Variants in NRF1 observed in about 807,000 individuals in gnomAD.
NRF1 encodes alpha palindromic-binding protein.
NRF1 carries 5 observed loss-of-function variants against 58.5 expected under a neutral mutation model. The ratio of observed to expected loss-of-function variants is 0.09; its 90% confidence interval spans 0.04 to 0.18. The LOEUF (loss-of-function observed/expected upper bound fraction) is 0.18, where lower values mean the gene tolerates loss of function less well. NRF1 is among the 10% of genes least tolerant of loss of function. The pLI is 1.00. For missense variants in NRF1, 288 were observed against 657.7 expected, an observed-to-expected ratio of 0.44 and a Z score of 6.15; for synonymous variants, 224 against 246.7, an observed-to-expected ratio of 0.91 and a Z score of 0.86.
chr7:129,748,385 A>G lies in NRF1; in HGVS notation c.1349-6633A>G, dbSNP rs546887491. ...ACAGGTCAGCACATACCTGGGGCCA[A>G]ATGAATGGTGGCGGCAATAAAGTCA... On this transcript the variant is annotated intron_variant, in intron 10 of 10. Transcript: ENST00000393232. Among the ~76,000 whole-genome samples the G allele has an allele frequency of 5.3e-5, 8 of 152,180 alleles. No individual in the cohort carries two copies. In the South Asian group the frequency reaches 1.7e-3, roughly 32 times the overall value.
chr7:129,710,998 G>A (rs1393410561), intron 7 of NRF1, among the ~76,000 whole-genome samples: 1 of 151,324 alleles, frequency 6.6e-6, no homozygotes, highest in Non-Finnish European at 1.5e-5. Context: ...GCCCAGGCTG[G>A]TCTCAAACTC....
At chr7:129,634,895 G>A (rs1801134278) in intron 1 of NRF1, among the ~76,000 whole-genome samples, 1 of 152,068 alleles carries the variant, frequency 6.6e-6, no homozygotes, top group African/African-American at 2.4e-5. Flanking sequence ...AGGTCTGTGG[G>A]GCTGGTTGTC....
chr7:129,698,210 G>A (rs965783153), intron 5 of NRF1, among the ~76,000 whole-genome samples: 1 of 151,688 alleles, frequency 6.6e-6, no homozygotes, highest in Admixed American at 6.6e-5. Context: ...TTGAAAGCAT[G>A]ATTCTTTATT....
chr7:129,673,211 G>T (rs1372421272), intron 3 of NRF1, among the ~76,000 whole-genome samples: 1 of 152,170 alleles, frequency 6.6e-6, no homozygotes, highest in Non-Finnish European at 1.5e-5. Context: ...AGTGGTAAGG[G>T]TGAAAAGATT....
At chr7:129,726,955 C>G (rs756231113) in intron 9 of NRF1, among the ~76,000 whole-genome samples, 1 of 152,222 alleles carries the variant, frequency 6.6e-6, no homozygotes, top group Non-Finnish European at 1.5e-5. Context: ...AAGGAAGAAA[C>G]TGATAATGAG....
chr7:129,751,488 TAAC>T (rs1415024273), intron 10 of NRF1, among the ~76,000 whole-genome samples: 1 of 152,230 alleles, frequency 6.6e-6, no homozygotes, highest in Non-Finnish European at 1.5e-5. Flanking sequence ...AAAACTATTT[TAAC>T]AATTGGGCAT....
At chr7:129,622,025 C>T (rs1490408709) in intron 1 of NRF1, among the ~76,000 whole-genome samples, 2 of 152,004 alleles carry the variant, frequency 1.3e-5, no homozygotes, top group African/African-American at 4.8e-5. Context: ...TTGTAATCTG[C>T]CCGCCTCGGC....
chr7:129,658,305 A>T (rs1801704415), intron 2 of NRF1, among the ~76,000 whole-genome samples: 1 of 152,070 alleles, frequency 6.6e-6, no homozygotes, highest in African/African-American at 2.4e-5. Context: ...TCAATGCCTT[A>T]TGTTGACTAG....
At chr7:129,745,591 G>T (rs182380409) in intron 10 of NRF1, among the ~76,000 whole-genome samples, 1 of 141,214 alleles carries the variant, frequency 7.1e-6, no homozygotes, top group Non-Finnish European at 1.5e-5. Flanking sequence ...TCCAGAGCAC[G>T]TGCATATTCC....
At chr7:129,685,163 T>C (rs1031507846) in intron 4 of NRF1, among the ~76,000 whole-genome samples, 7 of 152,210 alleles carry the variant, frequency 4.6e-5, no homozygotes, top group African/African-American at 1.4e-4. Context: ...TCTTCCTTTA[T>C]CCAGTTAAGC....
chr7:129,633,321 G>A (rs573658804), intron 1 of NRF1: 1 of 152,256 alleles, frequency 6.6e-6, no homozygotes, highest in African/African-American at 2.4e-5. Context: ...AAGCCTACAA[G>A]TATTTCTGTG....
intron 1 of NRF1, among the ~76,000 whole-genome samples, chr7:129,653,786 C>T (rs1801591964): frequency 6.6e-6 from 1 of 152,170 alleles, no homozygotes; most frequent in Non-Finnish European, 1.5e-5. Context: ...TAAGCTTCTT[C>T]TACATTTTCT....
chr7:129,687,167 T>G (rs1001080653), intron 4 of NRF1, among the ~76,000 whole-genome samples: 5 of 152,214 alleles, frequency 3.3e-5, no homozygotes, highest in Non-Finnish European at 2.9e-5. Context: ...TTTCATGTAA[T>G]ATTGTCCTCT....
chr7:129,672,894 G>A (rs946750971), intron 3 of NRF1, among the ~76,000 whole-genome samples: 1 of 152,206 alleles, frequency 6.6e-6, no homozygotes, highest in African/African-American at 2.4e-5. Context: ...CATATAGGTA[G>A]TATTTAGAAC....
intron 2 of NRF1, among the ~76,000 whole-genome samples, chr7:129,669,781 G>A (rs1802005743): frequency 6.6e-6 from 1 of 152,154 alleles, no homozygotes; most frequent in Non-Finnish European, 1.5e-5. Flanking sequence ...ACAGTATGGA[G>A]ATTCCTCCAA....
chr7:129,718,128 G>T (rs1368077268), intron 9 of NRF1, among the ~76,000 whole-genome samples: 1 of 152,116 alleles, frequency 6.6e-6, no homozygotes, highest in African/African-American at 2.4e-5. Context: ...TCCCTGCCTG[G>T]TTCTTTCTAC....
At chr7:129,614,539 A>G (rs970399403) in intron 1 of NRF1, among the ~76,000 whole-genome samples, 7 of 145,418 alleles carry the variant, frequency 4.8e-5, no homozygotes, top group Non-Finnish European at 9.0e-5. Flanking sequence ...CTGGCCTTGA[A>G]CTCCTGGGCT....
chr7:129,709,016 T>C, intron 5 of NRF1, 59 bp from the exon 6 acceptor site: 1 of 1,308,950 alleles, frequency 7.6e-7, no homozygotes, highest in Non-Finnish European at 1.0e-6. Context: ...ATTTAAGGAG[T>C]CATAAACACA....
At chr7:129,668,722 A>G (rs1801976268) in intron 2 of NRF1, among the ~76,000 whole-genome samples, 1 of 152,222 alleles carries the variant, frequency 6.6e-6, no homozygotes, top group Admixed American at 6.5e-5. Context: ...TTCTAAGTGA[A>G]GTTTTAAGTG....
Sources: allele counts gnomAD v4.1 joint callset (sites outside exome capture counted in the v4.1 genomes callset), GRCh38; gene constraint gnomAD v4.1.1; transcripts MANE v1.5; gene names NCBI Gene and HGNC (gene_info 2026-07-23, HGNC 2026-07-21).